The following PAK2 variants were observed in gnomAD, a reference collection of about 807,000 sequenced individuals.
PAK2 encodes the protein serine/threonine-protein kinase PAK 2.
PAK2 carries 21 observed loss-of-function variants against 65.9 expected under a neutral mutation model. The ratio of observed to expected loss-of-function variants is 0.32; its 90% CI spans 0.23 to 0.46. The LOEUF (loss-of-function observed/expected upper bound fraction) is 0.46, where lower values mean the gene tolerates loss of function less well. PAK2 is among the 20% of genes least tolerant of loss of function. The pLI, the probability that PAK2 is intolerant of heterozygous loss-of-function variation, is 1.00. For synonymous variants in PAK2, 204 were observed against 219.7 expected, an observed-to-expected ratio of 0.93 and a Z score of 0.63; for missense variants, 324 against 642.6, an observed-to-expected ratio of 0.50 and a Z score of 5.36.
intron 7 of PAK2, among the ~76,000 whole-genome samples, chr3:196,809,348 C>CTT (rs758343803): frequency 0.015 from 1,405 of 90,724 alleles, 204 homozygotes; most frequent in African/African-American, 0.034. Context: ...TTATTATTAT[C>CTT]TTTTTTTTTT....
chr3:196,760,862 C>T (rs2108719431), intron 1 of PAK2, among the ~76,000 whole-genome samples: 1 of 152,258 alleles, frequency 6.6e-6, no homozygotes, highest in South Asian at 2.1e-4. Flanking sequence ...GTGTTAAAAG[C>T]ATTATGTTAG....
intron 1 of PAK2, among the ~76,000 whole-genome samples, chr3:196,745,755 A>C: frequency 6.6e-6 from 1 of 151,766 alleles, no homozygotes; most frequent in Admixed American, 6.6e-5. Context: ...CGGAGGTTGC[A>C]ATGACCTGAG....
At chr3:196,812,000 T>G (rs1361891216) in intron 8 of PAK2, among the ~76,000 whole-genome samples, 1 of 152,154 alleles carries the variant, frequency 6.6e-6, no homozygotes, top group Non-Finnish European at 1.5e-5. Flanking sequence ...CCTACATTTT[T>G]GTAGGTCTGA....
intron 8 of PAK2, among the ~76,000 whole-genome samples, chr3:196,811,193 TCCTTCCTCCCTTCCTTC>T (rs1715775631): frequency 1.4e-5 from 1 of 73,786 alleles, no homozygotes; most frequent in Admixed American, 1.8e-4. Flanking sequence ...CCATATGAAT[TCCTTCCTCCCTTCCTTC>T]CCTTCCCTCC....
chr3:196,804,918 G>A (rs1715539872), intron 4 of PAK2, among the ~76,000 whole-genome samples: 1 of 151,530 alleles, frequency 6.6e-6, no homozygotes, highest in African/African-American at 2.4e-5. Context: ...ACAAAACAAT[G>A]TCAGAATTTT....
chr3:196,809,402 T>C (rs539202042), intron 7 of PAK2, among the ~76,000 whole-genome samples: 1 of 129,102 alleles, frequency 7.7e-6, no homozygotes, highest in South Asian at 2.6e-4. Context: ...CAGGCTGGAG[T>C]GCAGTGGCGT....
chr3:196,789,324 G>T (rs1194463409), intron 2 of PAK2, among the ~76,000 whole-genome samples: 1 of 151,956 alleles, frequency 6.6e-6, no homozygotes, highest in East Asian at 1.9e-4. Context: ...CTTCTGGTTG[G>T]TTATGACTTA....
chr3:196,780,371 C>A (rs1404284997), intron 1 of PAK2, among the ~76,000 whole-genome samples: 1 of 152,208 alleles, frequency 6.6e-6, no homozygotes, highest in Non-Finnish European at 1.5e-5. Context: ...GCTGGGGAAG[C>A]CTCACAATCA....
In PAK2 at chr3:196,820,678, C is replaced by G; in HGVS notation, c.1350+111C>G. 1 of 531,128 alleles carries G rather than the reference C, an allele frequency of 1.9e-6. No individual in the cohort carries two copies. The highest frequency in any genetic ancestry group is 3.6e-5 in the Admixed American group (1 of 27,624). 32.9% of individuals were successfully genotyped at this position (531,128 alleles called of 1,614,324 possible). A position where few individuals can be genotyped will look rare whatever the true frequency, so the allele number is the denominator to read the frequency against. On this transcript the variant is annotated intron_variant, in intron 13 of 14. Coordinates refer to ENST00000327134, the MANE Select transcript of PAK2 (RefSeq NM_002577.4). The surrounding 1 kb of genome is among the most constrained non-coding windows in gnomAD (Gnocchi z 4.6). ...AATTTAAAGTAGAAGGTTGATAAAA[C>G]CTAATCTCTGCCCCTAACTCTGCAT...
intron 10 of PAK2, 100 bp from the exon 11 acceptor site, chr3:196,814,351 T>G: frequency 3.3e-6 from 2 of 613,880 alleles, no homozygotes; most frequent in East Asian, 3.0e-5. Context: ...CAGCTCTAGT[T>G]TTATTGTTAG....
chr3:196,802,006 T>C lies in PAK2; in HGVS notation c.267T>C (p.Asp89=). The C allele has an allele frequency of 6.3e-7, 1 of 1,590,898 alleles. No individual in the cohort carries two copies. The highest frequency in any genetic ancestry group is 8.6e-7 in the Non-Finnish European group (1 of 1,158,734). The part of the protein sequence containing the change: ...DFEHTIHVGF[D]AVTGEFTGMP... The stretch of plus-strand genomic sequence containing the variant: ...AGCACACCATCCATGTTGGCTTTGA[T>C]GCTGTTACTGGAGAATTCACTGTAA... The change falls in exon 3 of 15, where the codon GAT becomes GAC. Residue 89 remains aspartate, a synonymous_variant. Transcript: ENST00000327134.
At chr3:196,797,807 A>G (rs908076686) in intron 2 of PAK2, among the ~76,000 whole-genome samples, 16 of 152,206 alleles carry the variant, frequency 1.1e-4, no homozygotes, top group Admixed American at 8.5e-4. Flanking sequence ...TCTTGTGATC[A>G]TAATATAATT....
In PAK2 at chr3:196,780,488, G is replaced by C. The variant is rs534925258; in HGVS notation, c.-21-2138G>C. Among the ~76,000 whole-genome samples the C allele has an allele frequency of 5.9e-5, 9 of 152,282 alleles. No homozygotes were observed. In the South Asian group the frequency reaches 1.7e-3, roughly 28 times the overall value. ...TTTTTAAAACCATCAGATCACGTGAGATGTACTCCCTATCAGGAGAACAGC... is the reference window on the plus strand; with the variant it reads ...TTTTTAAAACCATCAGATCACGTGACATGTACTCCCTATCAGGAGAACAGC... On this transcript the variant is annotated intron_variant, in intron 1 of 14. Transcript: ENST00000327134.
intron 2 of PAK2, 51 bp from the exon 3 acceptor site, chr3:196,801,876 A>G: frequency 1.1e-6 from 1 of 870,876 alleles, no homozygotes. Context: ...TGCCTTTACT[A>G]GTCTTGTTTA....
chr3:196,760,138 CAG>C (rs1162531264), intron 1 of PAK2, among the ~76,000 whole-genome samples: 5 of 152,178 alleles, frequency 3.3e-5, no homozygotes, highest in African/African-American at 1.2e-4. Context: ...GTGAAAGAGA[CAG>C]GGTCTTCTAT....
intron 1 of PAK2, among the ~76,000 whole-genome samples, chr3:196,750,135 T>C (rs7640538): frequency 0.47 from 70,552 of 151,520 alleles, 16,921 homozygotes; most frequent in Non-Finnish European, 0.53. Context: ...TATAGGCGCC[T>C]GCCACCACGC....
intron 1 of PAK2, among the ~76,000 whole-genome samples, chr3:196,764,539 A>G (rs1714090372): frequency 6.6e-6 from 1 of 151,544 alleles, no homozygotes; most frequent in African/African-American, 2.4e-5. Flanking sequence ...GAATCACTTG[A>G]ACCTGGGAGG....
At chr3:196,803,501 G>A (rs1362898167) in intron 4 of PAK2, among the ~76,000 whole-genome samples, 2 of 152,050 alleles carry the variant, frequency 1.3e-5, no homozygotes, top group African/African-American at 4.8e-5. Context: ...AGGAAAAGAC[G>A]CTGGTTGATA....
chr3:196,798,555 G>A (rs1422160731), intron 2 of PAK2, among the ~76,000 whole-genome samples: 4 of 152,030 alleles, frequency 2.6e-5, no homozygotes, highest in South Asian at 2.1e-4. Context: ...TGTTGGCCAA[G>A]CTGGTCTTGA....
Sources: allele counts gnomAD v4.1 joint callset (sites outside exome capture counted in the v4.1 genomes callset), GRCh38; gene constraint gnomAD v4.1.1; non-coding constraint Gnocchi (gnomAD v3.1); transcripts MANE v1.5; gene names NCBI Gene and HGNC (gene_info 2026-07-23, HGNC 2026-07-21).